Variants in CACNB4 observed in about 807,000 individuals in gnomAD.
CACNB4 encodes the protein calcium voltage-gated channel auxiliary subunit beta 4.
Under a neutral mutation model 71.2 loss-of-function variants are expected in CACNB4, and 32 were observed. The ratio of observed to expected loss-of-function variants is 0.45; its 90% CI spans 0.34 to 0.60. CACNB4 has a LOEUF of 0.60. CACNB4 is among the 20% of genes least tolerant of loss of function. CACNB4 has a pLI of 0.01. For missense variants in CACNB4, 464 were observed against 647.9 expected, an observed-to-expected ratio of 0.72 and a Z score of 3.08; for synonymous variants, 231 against 236.9, an observed-to-expected ratio of 0.97 and a Z score of 0.23.
rs1418129145 is a variant in CACNB4 at position 152,098,127 on chromosome 2, G to A, written c.147+203C>T. 3.9e-5 allele frequency among the ~76,000 whole-genome samples: 6 copies of A among 152,246 alleles called. No individual in the cohort carries two copies. The highest frequency in any genetic ancestry group is 1.4e-4 in the African/African-American group (6 of 41,474). ...ATGCACAAACTAACTTCCCGGGGCG[G>A]TGCGGAGACGCCGGGACGCGAAGAC... On this transcript the variant is annotated intron_variant, in intron 2 of 13. Transcript: ENST00000539935. This position sits in a 1 kb window ranked among gnomAD's most constrained non-coding sequence, Gnocchi z 5.3.
Position 151,973,825 on chromosome 2 carries a change from A to G in CACNB4, c.148-90455T>C, listed in dbSNP as rs781593526. Reference sequence around the variant, plus strand: ...TGTTTGGGAGAACTGCGCCTGCCTTATCAATTCCTGTGGATTTACCAGGCA... The same window carrying G: ...TGTTTGGGAGAACTGCGCCTGCCTTGTCAATTCCTGTGGATTTACCAGGCA... On this transcript the variant is annotated intron_variant, in intron 2 of 13. Transcript: ENST00000539935. 19 of 1,512,458 alleles carry G rather than the reference A, an allele frequency of 1.3e-5. No homozygotes were observed. In the East Asian group the frequency reaches 1.5e-4, roughly 12 times the overall value. 93.7% of individuals were successfully genotyped at this position (1,512,458 alleles called of 1,614,324 possible). A position where few individuals can be genotyped will look rare whatever the true frequency, so the allele number is the denominator to read the frequency against.
intron 2 of CACNB4, among the ~76,000 whole-genome samples, chr2:151,890,957 G>A (rs1226986555): frequency 2.0e-5 from 3 of 152,034 alleles, no homozygotes; most frequent in Non-Finnish European, 4.4e-5. Flanking sequence ...TAATGCCTCC[G>A]ATTATGTTCA....
At chr2:151,872,834 A>G (rs2099844983) in intron 5 of CACNB4, 1 of 180,364 alleles carries the variant, frequency 5.5e-6, no homozygotes, top group African/African-American at 2.4e-5. Context: ...AACACAGCTC[A>G]AAACAAGCAG....
intron 2 of CACNB4, among the ~76,000 whole-genome samples, chr2:151,953,926 G>A (rs1290313327): frequency 6.6e-6 from 1 of 152,294 alleles, no homozygotes; most frequent in East Asian, 1.9e-4. Context: ...ATATATCCAG[G>A]ATTAATTTAC....
intron 2 of CACNB4, among the ~76,000 whole-genome samples, chr2:151,993,545 G>A (rs1331529763): frequency 6.8e-6 from 1 of 148,076 alleles, no homozygotes; most frequent in African/African-American, 2.5e-5. Context: ...TGAACACGGA[G>A]GCATAGGTTG....
chr2:152,030,972 G>A (rs574045603), intron 2 of CACNB4, among the ~76,000 whole-genome samples: 2 of 152,244 alleles, frequency 1.3e-5, no homozygotes, highest in South Asian at 2.1e-4. Context: ...CCTCAGCCCT[G>A]GGCAGAAAAC....
rs76724580 is a variant in CACNB4, at chr2:152,070,602, A to T, written c.147+27728T>A. Among the ~76,000 whole-genome samples, 140 of 152,272 alleles carry T rather than the reference A, an allele frequency of 9.2e-4. 2 individuals carry two copies. In the East Asian group the frequency reaches 0.024, roughly 26 times the overall value. ...CGATAATGAAATAATGCAATGCACT[A>T]TTACTATGCTGTTGACCCCTAAGTG... is the stretch of plus-strand genomic sequence containing the variant. On this transcript the variant is annotated intron_variant, in intron 2 of 13. Coordinates refer to ENST00000539935, the MANE Select transcript of CACNB4 (RefSeq NM_000726.5).
rs1290749357 is a variant in CACNB4 at position 151,880,991 on chromosome 2, C to T, written c.268-69G>A. On this transcript the variant is annotated intron_variant, in intron 3 of 13. Transcript: ENST00000539935. ...GAGGAGCATTTTTCATATTGAAACT[C>T]TGATAGTACCAGGTAGTGAGAAATA... 11 of 1,436,894 alleles carry T rather than the reference C, an allele frequency of 7.7e-6. No homozygotes were observed. The East Asian group carries it at 2.1e-4, about 28-fold the overall frequency. The allele number at this position is 1,436,894 out of a possible 1,614,324, so 89.0% of individuals were successfully genotyped here.
chr2:152,098,851 C>A lies in CACNB4; in HGVS notation c.63+98G>T, dbSNP rs1688435525. ...GGCCGCCGACTCCCGGGACTGGGGC[C>A]CCGCACGCCCGGCACGAAGGCGGGG... On this transcript the variant is annotated intron_variant, in intron 1 of 13. Transcript: ENST00000539935. The surrounding 1 kb of genome is among the most constrained non-coding windows in gnomAD (Gnocchi z 5.3). 2 of 1,100,594 alleles carry A rather than the reference C, an allele frequency of 1.8e-6. No homozygotes were observed. The highest frequency in any genetic ancestry group is 1.6e-5 in the African/African-American group (1 of 62,204). 68.2% of individuals were successfully genotyped at this position (1,100,594 alleles called of 1,614,324 possible).
In CACNB4 at chr2:151,996,328, C is replaced by T. The variant is rs547654746; in HGVS notation, c.147+102002G>A. 1.5e-3 allele frequency among the ~76,000 whole-genome samples: 221 copies of T among 152,194 alleles called. 2 individuals carry two copies. Among genetic ancestry groups the T allele is most frequent in the Middle Eastern group, 6.8e-3 (2 of 294 alleles). On this transcript the variant is annotated intron_variant, in intron 2 of 13. Transcript: ENST00000539935. ...CTGTGAGTGTCAAGACCCTCATATACTGCTTAGACAACCAAAGATTAATAG... is the reference window on the plus strand; with the variant it reads ...CTGTGAGTGTCAAGACCCTCATATATTGCTTAGACAACCAAAGATTAATAG...
At chr2:151,888,600 C>T (rs1321360959) in intron 2 of CACNB4, among the ~76,000 whole-genome samples, 1 of 152,110 alleles carries the variant, frequency 6.6e-6, no homozygotes, top group African/African-American at 2.4e-5. Flanking sequence ...TGTGATCATA[C>T]TGGAACAGAA....
intron 2 of CACNB4, among the ~76,000 whole-genome samples, chr2:151,978,769 C>T (rs1467831649): frequency 3.3e-5 from 5 of 152,240 alleles, no homozygotes; most frequent in Admixed American, 2.0e-4. Context: ...CCCCTGATGC[C>T]GGCCTGGTCC....
chr2:152,079,740 G>A (rs1440243342), intron 2 of CACNB4, among the ~76,000 whole-genome samples: 1 of 152,094 alleles, frequency 6.6e-6, no homozygotes, highest in Non-Finnish European at 1.5e-5. Context: ...GGGCGGTGAT[G>A]GCGCCACTGT....
intron 4 of CACNB4, among the ~76,000 whole-genome samples, chr2:151,877,025 G>A (rs2151432827): frequency 6.8e-6 from 1 of 146,632 alleles, no homozygotes; most frequent in African/African-American, 2.5e-5. Flanking sequence ...ATATGTATGT[G>A]TGCATATATA....
intron 11 of CACNB4, chr2:151,854,937 A>G: frequency 4.0e-6 from 1 of 251,108 alleles, no homozygotes; most frequent in East Asian, 7.4e-5. Context: ...ATAGTCTATG[A>G]TAAGCCAGAG....
intron 9 of CACNB4, among the ~76,000 whole-genome samples, chr2:151,865,214 G>A (rs1333023938): frequency 1.3e-5 from 2 of 152,142 alleles, no homozygotes; most frequent in Non-Finnish European, 2.9e-5. Flanking sequence ...GTTGCCTTGT[G>A]ACAGCACCAA....
At chr2:152,076,528 T>G (rs1441583914) in intron 2 of CACNB4, among the ~76,000 whole-genome samples, 1 of 152,100 alleles carries the variant, frequency 6.6e-6, no homozygotes, top group Non-Finnish European at 1.5e-5. Flanking sequence ...TATGGGTCCA[T>G]GGACATCTCT....
intron 2 of CACNB4, among the ~76,000 whole-genome samples, chr2:151,897,763 A>AT (rs1186362962): frequency 6.6e-6 from 1 of 152,156 alleles, no homozygotes; most frequent in East Asian, 1.9e-4. Flanking sequence ...CACAATACTT[A>AT]TTCTTTCTGG....
chr2:152,043,475 C>T (rs1412847766), intron 2 of CACNB4, among the ~76,000 whole-genome samples: 1 of 152,156 alleles, frequency 6.6e-6, no homozygotes, highest in Non-Finnish European at 1.5e-5. Flanking sequence ...GCACACACCA[C>T]CATACCTGCA....
Sources: allele counts gnomAD v4.1 joint callset (sites outside exome capture counted in the v4.1 genomes callset), GRCh38; gene constraint gnomAD v4.1.1; non-coding constraint Gnocchi (gnomAD v3.1); transcripts MANE v1.5; gene names NCBI Gene and HGNC (gene_info 2026-07-23, HGNC 2026-07-21).